PAPPA2: variants seen among roughly 807,000 people sequenced by gnomAD.
PAPPA2 encodes the protein pappalysin-2.
A neutral mutation model predicts 176.4 loss-of-function variants in PAPPA2; 86 were observed. That is an observed-to-expected ratio of 0.49 (90% CI 0.41 to 0.58). The LOEUF is 0.58. PAPPA2 is among the 20% of genes least tolerant of loss of function. The pLI is 0.00. For missense variants in PAPPA2, 2,073 were observed against 2,256.9 expected, an observed-to-expected ratio of 0.92 and a Z score of 1.65; for synonymous variants, 809 against 852.2, an observed-to-expected ratio of 0.95 and a Z score of 0.88.
rs1010629359 is a variant in PAPPA2, at chr1:176,521,809, C to T, written c.-916-33598C>T. On this transcript the variant is annotated intron_variant, in intron 1 of 22. Transcript: ENST00000367662. ...TACTAGAATGCATGAGGAATGCCTT[C>T]GAGAAACTTCTAGAAAGATTTGGGG... 9.2e-5 allele frequency among the ~76,000 whole-genome samples: 14 copies of T among 152,126 alleles called. No homozygotes were observed. The East Asian group carries it at 1.2e-3, about 13-fold the overall frequency.
chr1:176,599,190 C>A (rs1012738039), intron 3 of PAPPA2, among the ~76,000 whole-genome samples: 1 of 149,422 alleles, frequency 6.7e-6, no homozygotes, highest in Non-Finnish European at 1.5e-5. Flanking sequence ...TATGTATGTA[C>A]ATATATATAT....
At chr1:176,770,513 A>G (rs1018590182) in intron 16 of PAPPA2, among the ~76,000 whole-genome samples, 4 of 152,206 alleles carry the variant, frequency 2.6e-5, no homozygotes, top group African/African-American at 4.8e-5. Context: ...AATAGGGGAT[A>G]ATAATAGGAT....
At chr1:176,623,587 CT>C (rs1655728179) in intron 3 of PAPPA2, among the ~76,000 whole-genome samples, 1 of 139,496 alleles carries the variant, frequency 7.2e-6, no homozygotes, top group East Asian at 2.6e-4. Flanking sequence ...TCCTTCCTTC[CT>C]TCCTTCCTTC....
intron 1 of PAPPA2, among the ~76,000 whole-genome samples, chr1:176,524,798 C>T (rs955882864): frequency 1.3e-5 from 2 of 152,114 alleles, no homozygotes; most frequent in South Asian, 2.1e-4. Context: ...CCCTGGCGGG[C>T]GGATCATGAG....
intron 12 of PAPPA2, among the ~76,000 whole-genome samples, chr1:176,718,953 G>T (rs1301888521): frequency 6.6e-6 from 1 of 151,788 alleles, no homozygotes. Flanking sequence ...GTATATATTG[G>T]TTTTTCCCAA....
intron 2 of PAPPA2, among the ~76,000 whole-genome samples, chr1:176,558,266 T>TG (rs984351501): frequency 5.9e-5 from 9 of 152,296 alleles, no homozygotes; most frequent in African/African-American, 2.2e-4. Flanking sequence ...ATTATATTGA[T>TG]GGGGAAACTG....
intron 14 of PAPPA2, among the ~76,000 whole-genome samples, chr1:176,749,765 A>G (rs540052350): frequency 4.6e-5 from 7 of 152,322 alleles, no homozygotes; most frequent in Admixed American, 3.3e-4. Flanking sequence ...ACATTGTTAT[A>G]TGCATTTAAG....
At chr1:176,495,397 G>A (rs938578571) in intron 1 of PAPPA2, among the ~76,000 whole-genome samples, 2 of 151,856 alleles carry the variant, frequency 1.3e-5, no homozygotes, top group African/African-American at 2.4e-5. Context: ...AAAATTAGCC[G>A]GACATGGTGG....
intron 8 of PAPPA2, 25 bp from the exon 9 acceptor site, chr1:176,702,582 G>T (rs747491997): frequency 2.5e-6 from 4 of 1,612,762 alleles, no homozygotes; most frequent in Non-Finnish European, 3.4e-6. Flanking sequence ...GGCTGTAGTG[G>T]TCACAAACCC....
At chr1:176,722,321 A>ATT (rs546265387) in intron 12 of PAPPA2, among the ~76,000 whole-genome samples, 8 of 142,732 alleles carry the variant, frequency 5.6e-5, no homozygotes, top group East Asian at 2.1e-4. Context: ...TCCTTTCAAG[A>ATT]TTTTTTTTTT....
intron 1 of PAPPA2, among the ~76,000 whole-genome samples, chr1:176,505,624 A>G (rs763503304): frequency 6.6e-6 from 1 of 152,108 alleles, no homozygotes; most frequent in Non-Finnish European, 1.5e-5. Flanking sequence ...TGGAGGTTAC[A>G]CAATTAGAAA....
intron 21 of PAPPA2, among the ~76,000 whole-genome samples, chr1:176,811,729 G>A (rs1666157601): frequency 6.6e-6 from 1 of 152,068 alleles, no homozygotes; most frequent in African/African-American, 2.4e-5. Flanking sequence ...CCAGTTTTGT[G>A]CAATATCTGC....
chr1:176,540,879 C>A lies in PAPPA2; in HGVS notation c.-916-14528C>A, dbSNP rs1358144537. Among the ~76,000 whole-genome samples, 4 of 152,116 alleles carry A rather than the reference C, an allele frequency of 2.6e-5. No individual in the cohort carries two copies. In the East Asian group the frequency reaches 7.7e-4, roughly 29 times the overall value. ...GCCTCCCCACCATGGCTTCTGAGTTCTTACTGGCTTACCTCAAGAAGTTCT... is the reference window on the plus strand; with the variant it reads ...GCCTCCCCACCATGGCTTCTGAGTTATTACTGGCTTACCTCAAGAAGTTCT... On this transcript the variant is annotated intron_variant, in intron 1 of 22. Transcript: ENST00000367662.
intron 11 of PAPPA2, among the ~76,000 whole-genome samples, chr1:176,710,569 C>T (rs1661099783): frequency 6.6e-6 from 1 of 151,992 alleles, no homozygotes; most frequent in African/African-American, 2.4e-5. Flanking sequence ...GAATATCCAC[C>T]TAAATAGATA....
At chr1:176,584,442 A>G (rs1161152306) in intron 2 of PAPPA2, among the ~76,000 whole-genome samples, 1 of 150,820 alleles carries the variant, frequency 6.6e-6, no homozygotes, top group African/African-American at 2.4e-5. Flanking sequence ...GTTTTATTGT[A>G]TGTAAGTATA....
intron 3 of PAPPA2, among the ~76,000 whole-genome samples, chr1:176,662,421 G>C (rs1573212896): frequency 6.6e-6 from 1 of 152,102 alleles, no homozygotes; most frequent in East Asian, 1.9e-4. Context: ...TATTCATCTT[G>C]GTAGCAAGGC....
chr1:176,726,103 T>G (rs1571233227), intron 12 of PAPPA2, among the ~76,000 whole-genome samples: 1 of 152,342 alleles, frequency 6.6e-6, no homozygotes, highest in African/African-American at 2.4e-5. Context: ...CTCTATAACA[T>G]TCCTGGTGGG....
At chr1:176,590,788 T>C (rs1173961762) in intron 2 of PAPPA2, among the ~76,000 whole-genome samples, 3 of 152,160 alleles carry the variant, frequency 2.0e-5, no homozygotes, top group African/African-American at 7.2e-5. Flanking sequence ...ACTCATGCTT[T>C]TAACCACATG....
At chr1:176,593,756 G>A (rs1039529924) in intron 2 of PAPPA2, among the ~76,000 whole-genome samples, 2 of 152,214 alleles carry the variant, frequency 1.3e-5, no homozygotes, top group South Asian at 2.1e-4. Flanking sequence ...GGCAGGTAGT[G>A]TATGATAAGA....
Sources: gnomAD v4.1 joint callset for allele counts (sites outside exome capture counted in the v4.1 genomes callset) on GRCh38, gnomAD v4.1.1 for gene constraint, MANE v1.5 for transcripts, NCBI Gene and HGNC (gene_info 2026-07-23, HGNC 2026-07-21) for gene names.